ACAP2: variants seen among roughly 807,000 people sequenced by gnomAD.
ACAP2 encodes the protein ArfGAP with coiled-coil, ankyrin repeat and PH domains 2, also known as arf-GAP with coiled-coil, ANK repeat and PH domain-containing protein 2.
A neutral mutation model predicts 115.8 loss-of-function variants in ACAP2; 39 were observed. The observed-to-expected ratio is 0.34, with a 90% CI of 0.26 to 0.44. The LOEUF is 0.44. Ranked by LOEUF, ACAP2 falls within the 20% of genes least tolerant of loss-of-function variation. The pLI, the probability that ACAP2 is intolerant of heterozygous loss-of-function variation, is 1.00. For synonymous variants in ACAP2, 289 were observed against 315.8 expected, an observed-to-expected ratio of 0.92 and a Z score of 0.90; for missense variants, 662 against 927.6, an observed-to-expected ratio of 0.71 and a Z score of 3.72.
At chr3:195,315,696 CA>C in intron 10 of ACAP2, among the ~76,000 whole-genome samples, 1 of 152,274 alleles carries the variant, frequency 6.6e-6, no homozygotes, top group Middle Eastern at 3.4e-3. Flanking sequence ...TGATTCTAGT[CA>C]ATAACTGCCA....
intron 22 of ACAP2, chr3:195,285,238 A>G (rs1487996930): frequency 6.6e-6 from 1 of 152,088 alleles, no homozygotes; most frequent in Non-Finnish European, 1.5e-5. Flanking sequence ...TAAATCTTCA[A>G]CTCATTTTTA....
At chr3:195,337,064 T>A in intron 6 of ACAP2, 88 bp from the exon 7 acceptor site, 2 of 1,228,060 alleles carry the variant, frequency 1.6e-6, no homozygotes, top group Non-Finnish European at 2.3e-6. Flanking sequence ...TTTAATGGTT[T>A]AATACTTTTC....
Position 195,320,778 on chromosome 3 carries a change from G to C in ACAP2, c.780C>G (p.Asn260Lys), listed in dbSNP as rs371958084. The C allele has an allele frequency of 7.1e-5, 114 of 1,613,130 alleles. No homozygotes were observed. The highest frequency in any genetic ancestry group is 8.5e-5 in the Non-Finnish European group (100 of 1,179,502). Residue 260 changes from asparagine to lysine, a missense_variant, in exon 10 of 23, where the codon AAC (asparagine) becomes AAG (lysine). This residue lies in a region of ACAP2 where 401 missense variants were observed against 604.4 expected (regional missense o/e 0.66). Transcript: ENST00000326793. The part of the protein sequence containing the change: ...FSSDDSKLEY[N>K]VDAANGIVME... ...TAACTATGCCATTTGCAGCATCTAC[G>C]TTATATTCTAACTTAGAATCATCAC...
intron 4 of ACAP2, among the ~76,000 whole-genome samples, chr3:195,370,154 C>T (rs1359572760): frequency 6.6e-6 from 1 of 152,142 alleles, no homozygotes; most frequent in African/African-American, 2.4e-5. Flanking sequence ...GATATTAGAG[C>T]ATTGTCGGAT....
intron 6 of ACAP2, among the ~76,000 whole-genome samples, chr3:195,340,873 TAC>T (rs1157634769): frequency 6.6e-6 from 1 of 152,168 alleles, no homozygotes; most frequent in East Asian, 1.9e-4. Context: ...CCTCCAAAAG[TAC>T]AGTCTATTCA....
At chr3:195,404,874 T>C (rs934214415) in intron 1 of ACAP2, among the ~76,000 whole-genome samples, 30 of 151,530 alleles carry the variant, frequency 2.0e-4, no homozygotes, top group Admixed American at 1.6e-3. Flanking sequence ...CTCAGCTCAC[T>C]GCAACCTCTG....
intron 1 of ACAP2, among the ~76,000 whole-genome samples, chr3:195,439,209 A>T (rs201232163): frequency 2.9e-4 from 17 of 59,528 alleles, no homozygotes; most frequent in East Asian, 2.8e-3. Context: ...TTTTTTTTTT[A>T]AGAGAGAGAG....
At chr3:195,400,202 A>G (rs556391085) in intron 1 of ACAP2, among the ~76,000 whole-genome samples, 24 of 151,314 alleles carry the variant, frequency 1.6e-4, no homozygotes, top group African/African-American at 5.8e-4. Context: ...ACAAAAAAAT[A>G]CGTATGTGTA....
intron 22 of ACAP2, among the ~76,000 whole-genome samples, chr3:195,284,999 C>G (rs1203849287): frequency 6.6e-6 from 1 of 152,162 alleles, no homozygotes; most frequent in Non-Finnish European, 1.5e-5. Context: ...GAAAATTACT[C>G]AAAATGAAAC....
chr3:195,283,645 C>T (rs778817045), intron 22 of ACAP2, among the ~76,000 whole-genome samples: 13 of 152,160 alleles, frequency 8.5e-5, no homozygotes, highest in South Asian at 2.1e-4. Context: ...AGAAAAAGAA[C>T]AGAAACCGAA....
chr3:195,290,795 A>G lies in ACAP2; in HGVS notation c.2063+911T>C, dbSNP rs1281764590. Among the ~76,000 whole-genome samples, 3 of 151,664 alleles carry G rather than the reference A, an allele frequency of 2.0e-5. No individual in the cohort carries two copies. The East Asian group carries it at 5.8e-4, about 29-fold the overall frequency. On this transcript the variant is annotated intron_variant, in intron 20 of 22. Coordinates refer to ENST00000326793, the MANE Select transcript of ACAP2 (RefSeq NM_012287.6). ...GCTACTGCACTCCAGCCTGGGTGAC[A>G]GAGCAAGACTTTATCTCAAAATAAA...
At chr3:195,353,080 TAAA>T (rs530794501) in intron 4 of ACAP2, among the ~76,000 whole-genome samples, 3 of 134,048 alleles carry the variant, frequency 2.2e-5, no homozygotes, top group Admixed American at 7.5e-5. Flanking sequence ...ACTCTGTCTT[TAAA>T]AAAAAAAAAA....
At chr3:195,428,317 C>CAT (rs541364391) in intron 1 of ACAP2, among the ~76,000 whole-genome samples, 1 of 146,382 alleles carries the variant, frequency 6.8e-6, no homozygotes, top group African/African-American at 2.5e-5. Flanking sequence ...TATATACACT[C>CAT]ATATATATAG....
intron 1 of ACAP2, among the ~76,000 whole-genome samples, chr3:195,411,886 T>C (rs1216089149): frequency 7.0e-6 from 1 of 142,804 alleles, no homozygotes; most frequent in East Asian, 2.1e-4. Context: ...CTCTATTTAG[T>C]AATAAGGAAA....
intron 1 of ACAP2, among the ~76,000 whole-genome samples, chr3:195,418,937 A>G (rs1481099463): frequency 6.6e-6 from 1 of 152,168 alleles, no homozygotes; most frequent in Non-Finnish European, 1.5e-5. Context: ...AAAAATATTG[A>G]GACACTATAT....
At position 195,333,021 on chromosome 3, in the gene ACAP2, AC is replaced by A; in HGVS notation, c.669+6del. On this transcript the variant is annotated splice_donor_region_variant and intron_variant, in intron 8 of 22. Coordinates refer to ENST00000326793, the MANE Select transcript of ACAP2 (RefSeq NM_012287.6). ...AAACAGAATCAAGAAATATACTGCAACATTACCTGTGCACCAAGATCCTTCA... is the reference window on the plus strand; with the variant it reads ...AAACAGAATCAAGAAATATACTGCAAATTACCTGTGCACCAAGATCCTTCA... The A allele has an allele frequency of 6.3e-7, 1 of 1,584,078 alleles. No individual in the cohort carries two copies. The highest frequency in any genetic ancestry group is 8.6e-7 in the Non-Finnish European group (1 of 1,160,908).
intron 4 of ACAP2, among the ~76,000 whole-genome samples, chr3:195,349,442 T>C (rs998866846): frequency 2.0e-5 from 3 of 151,986 alleles, no homozygotes; most frequent in Admixed American, 6.6e-5. Flanking sequence ...GATCACGCCA[T>C]TGCCCCTCCA....
At chr3:195,328,966 G>A (rs984276168) in intron 8 of ACAP2, among the ~76,000 whole-genome samples, 1 of 151,804 alleles carries the variant, frequency 6.6e-6, no homozygotes, top group Admixed American at 6.6e-5. Context: ...TGTGGTCCCA[G>A]CTACTCGGGA....
intron 1 of ACAP2, among the ~76,000 whole-genome samples, chr3:195,435,253 C>T (rs2108868210): frequency 6.6e-6 from 1 of 151,096 alleles, no homozygotes; most frequent in African/African-American, 2.5e-5. Context: ...TGGCTCACTG[C>T]AACCTCTGCC....
Sources: allele counts gnomAD v4.1 joint callset (sites outside exome capture counted in the v4.1 genomes callset), GRCh38; gene constraint gnomAD v4.1.1; regional missense constraint gnomAD v4.1.1; transcripts MANE v1.5; gene names NCBI Gene and HGNC (gene_info 2026-07-23, HGNC 2026-07-21).